C14orf39: variants seen among roughly 807,000 people sequenced by gnomAD.
The protein encoded by C14orf39 is chromosome 14 open reading frame 39, also known as protein SIX6OS1.
A neutral mutation model predicts 85.6 loss-of-function variants in C14orf39; 66 were observed. The observed-to-expected ratio is 0.77, with a 90% CI of 0.63 to 0.95. The LOEUF (loss-of-function observed/expected upper bound fraction) is 0.95, where lower values mean the gene tolerates loss of function less well. Ranked by LOEUF, C14orf39 falls within the 40% of genes least tolerant of loss-of-function variation. The pLI, the probability that C14orf39 is intolerant of heterozygous loss-of-function variation, is 0.00. For synonymous variants in C14orf39, 242 were observed against 214.0 expected, an observed-to-expected ratio of 1.13 and a Z score of -1.14; for missense variants, 735 against 663.9, an observed-to-expected ratio of 1.11 and a Z score of -1.18.
Position 60,444,931 on chromosome 14 carries a change from G to T in C14orf39, c.1504-2800C>A, listed in dbSNP as rs146310038. Among the ~76,000 whole-genome samples, 118 of 152,292 alleles carry T rather than the reference G, an allele frequency of 7.7e-4. No homozygotes were observed. In the East Asian group the frequency reaches 0.02, roughly 26 times the overall value. ...CAATATTCAACATTCTTAAAGAAAAGAATTTTCAAGCCAGAATCTCATATC... is the reference window on the plus strand; with the variant it reads ...CAATATTCAACATTCTTAAAGAAAATAATTTTCAAGCCAGAATCTCATATC... On this transcript the variant is annotated intron_variant, in intron 16 of 17. Transcript: ENST00000321731.
At chr14:60,459,046 T>A (rs932404029) in intron 13 of C14orf39, among the ~76,000 whole-genome samples, 47 of 151,796 alleles carry the variant, frequency 3.1e-4, no homozygotes, top group African/African-American at 1.1e-3. Flanking sequence ...TTCTGACTTT[T>A]GTGACAATCA....
chr14:60,485,128 C>T, intron 1 of C14orf39, 42 bp from the exon 2 acceptor site: 3 of 1,511,554 alleles, frequency 2.0e-6, no homozygotes, highest in South Asian at 1.2e-5. Context: ...TTTCTGAAGT[C>T]GTATGCAAAA....
chr14:60,510,067 C>T (rs1594631713), intron 1 of C14orf39: 2 of 1,108,292 alleles, frequency 1.8e-6, no homozygotes, highest in East Asian at 2.6e-5. Context: ...GACTCCAATT[C>T]AGCAGGAGTT....
intron 2 of C14orf39, among the ~76,000 whole-genome samples, chr14:60,492,603 C>CA (rs33957461): frequency 7.5e-5 from 11 of 146,580 alleles, no homozygotes; most frequent in South Asian, 2.2e-4. Flanking sequence ...TTATCTCTAC[C>CA]AAAAAAAAAA....
At chr14:60,455,362 G>T (rs925994244) in intron 15 of C14orf39, among the ~76,000 whole-genome samples, 2 of 151,966 alleles carry the variant, frequency 1.3e-5, no homozygotes, top group Non-Finnish European at 2.9e-5. Flanking sequence ...TTCTTCACAA[G>T]AACCCTATGA....
rs56098605 is a variant in C14orf39, at chr14:60,510,900, G to A, written c.-144+4495C>T. 0.17 allele frequency among the ~76,000 whole-genome samples: 25,355 copies of A among 152,250 alleles called. 2,711 individuals are homozygous for A. Among genetic ancestry groups the A allele is most frequent in the East Asian group, 0.46 (2,360 of 5,170 alleles). ...TGGTGGGGCACAACAGTAGGGACCC[G>A]CGGAGGGGCGGCCGCGGACTCCTGC... On this transcript the variant is annotated intron_variant, in intron 1 of 5. Transcript: ENST00000556799.
rs1264156372 is a variant in C14orf39 at position 60,471,614 on chromosome 14, C to A, written c.449G>T (p.Ser150Ile). 6.2e-7 allele frequency: 1 copy of A among 1,610,724 alleles called. No individual in the cohort carries two copies. Among genetic ancestry groups the A allele is most frequent in the Admixed American group, 1.7e-5 (1 of 59,624 alleles). ...EKKREHEEIQ[S>I]RVLACTEQLK... is the part of the protein sequence containing the mutation. ...TTGTTCAGTACATGCCAACACTCTG[C>A]TTTGAATTTCTTCATGTTCTCTTTT... The change falls in exon 6 of 18, where the codon AGC becomes ATC. Residue 150 changes from serine (S) to isoleucine (I), a missense_variant. By Grantham distance (142) the Ser-to-Ile change is moderately radical (BLOSUM62 -2). Transcript: ENST00000321731.
Position 60,485,957 on chromosome 14 carries a change from T to A in C14orf39, c.-21A>T, listed in dbSNP as rs951813028. Reference sequence around the variant, plus strand: ...CTTCCACACGCACCTAAACAGCTCCTCTGGACCCGAACGCCCACACCCTCC... The same window carrying A: ...CTTCCACACGCACCTAAACAGCTCCACTGGACCCGAACGCCCACACCCTCC... On this transcript the variant is annotated 5_prime_UTR_variant, in exon 1 of 18. Transcript: ENST00000321731. The A allele has an allele frequency of 6.6e-5, 10 of 152,284 alleles. No individual in the cohort carries two copies. Among genetic ancestry groups the A allele is most frequent in the Middle Eastern group, 3.4e-3 (1 of 296 alleles). The allele number at this position is 152,284 out of a possible 1,614,324, so 9.4% of individuals were successfully genotyped here.
chr14:60,498,663 A>G (rs1236680314), intron 2 of C14orf39, among the ~76,000 whole-genome samples: 1 of 152,242 alleles, frequency 6.6e-6, no homozygotes, highest in East Asian at 1.9e-4. Flanking sequence ...CCTTACAATA[A>G]TAACCTCAAT....
chr14:60,458,955 C>T (rs554300508), intron 13 of C14orf39, among the ~76,000 whole-genome samples: 7 of 151,698 alleles, frequency 4.6e-5, no homozygotes, highest in Non-Finnish European at 1.0e-4. Context: ...TGTTTCTTTA[C>T]CCAGGGAAAG....
rs893909871 is a variant in C14orf39 at position 60,483,700 on chromosome 14, T to A, written c.224A>T (p.Asn75Ile). The change falls in exon 4 of 18, where the codon AAC becomes ATC. Residue 75 changes from asparagine to isoleucine, a missense_variant. Transcript: ENST00000321731. Reference protein sequence around the residue: ...YCKHSEEIKDNCRNWKPTCDV... With the variant: ...YCKHSEEIKDICRNWKPTCDV... ...TCTTTCAAATACTCACTTTCTACAG[T>A]TGTCTTTAATCTCCTCACTATGTTT... The A allele has an allele frequency of 1.3e-6, 2 of 1,587,476 alleles. No homozygotes were observed. Among genetic ancestry groups the A allele is most frequent in the East Asian group, 2.3e-5 (1 of 44,112 alleles).
intron 9 of C14orf39, among the ~76,000 whole-genome samples, chr14:60,467,603 A>C (rs1891857594): frequency 6.6e-6 from 1 of 151,848 alleles, no homozygotes; most frequent in Non-Finnish European, 1.5e-5. Flanking sequence ...CAATACATGG[A>C]ATTTTTCTTA....
At chr14:60,513,302 C>G (rs1469078659) in intron 1 of C14orf39, among the ~76,000 whole-genome samples, 1 of 152,164 alleles carries the variant, frequency 6.6e-6, no homozygotes, top group Non-Finnish European at 1.5e-5. Flanking sequence ...GTAGAGCTTC[C>G]TCAGTACTTA....
chr14:60,490,443 A>ATAAATAAC (rs1892969586), upstream of C14orf39, among the ~76,000 whole-genome samples: 1 of 29,828 alleles, frequency 3.4e-5, no homozygotes, highest in Non-Finnish European at 1.1e-4. Flanking sequence ...ATCTCTATAA[A>ATAAATAAC]TAAATAAATG....
chr14:60,469,428 C>T (rs1054313610), intron 8 of C14orf39, 105 bp downstream of exon 8: 3 of 373,002 alleles, frequency 8.0e-6, no homozygotes, highest in Non-Finnish European at 1.4e-5. Flanking sequence ...AAACCTTTCT[C>T]CACATTAGGC....
intron 16 of C14orf39, among the ~76,000 whole-genome samples, chr14:60,450,906 C>T (rs1352427870): frequency 1.3e-5 from 2 of 152,172 alleles, no homozygotes; most frequent in Non-Finnish European, 2.9e-5. Flanking sequence ...CAAGGCTGTA[C>T]CTCTCTGAGT....
intron 1 of C14orf39, chr14:60,511,337 T>C: frequency 6.8e-7 from 1 of 1,471,162 alleles, no homozygotes; most frequent in Non-Finnish European, 9.5e-7. Context: ...ATGAGAGACC[T>C]GCAAATCCAG....
At chr14:60,485,207 C>T in intron 1 of C14orf39, 121 bp from the exon 2 acceptor site, 1 of 817,058 alleles carries the variant, frequency 1.2e-6, no homozygotes, top group Non-Finnish European at 1.9e-6. Context: ...AGAGCCAGAA[C>T]TGGAAGACGA....
In C14orf39 at chr14:60,484,802, C is replaced by A; in HGVS notation, c.106+79G>T. 2 of 1,008,512 alleles carry A rather than the reference C, an allele frequency of 2.0e-6. No homozygotes were observed. Among genetic ancestry groups the A allele is most frequent in the African/African-American group, 1.6e-5 (1 of 61,092 alleles). 62.5% of individuals were successfully genotyped at this position (1,008,512 alleles called of 1,614,324 possible). ...AAGTTATAACGCCAACAATAAGTTG[C>A]CCTAAACAGAGCAATTGTATGTTAT... On this transcript the variant is annotated intron_variant, in intron 3 of 17. Coordinates refer to ENST00000321731, the MANE Select transcript of C14orf39 (RefSeq NM_174978.3). The surrounding 1 kb of genome is among the most constrained non-coding windows in gnomAD (Gnocchi z 4.2).
Sources: allele counts gnomAD v4.1 joint callset (sites outside exome capture counted in the v4.1 genomes callset), GRCh38; gene constraint gnomAD v4.1.1; non-coding constraint Gnocchi (gnomAD v3.1); transcripts MANE v1.5; gene names NCBI Gene and HGNC (gene_info 2026-07-23, HGNC 2026-07-21).